MR1: variants seen among roughly 807,000 people sequenced by gnomAD.
MR1 encodes the protein major histocompatibility complex class I-related protein 1.
In MR1, 44 loss-of-function variants were observed where a neutral mutation model predicts 37.8. The ratio of observed to expected loss-of-function variants is 1.16; its 90% CI spans 0.91 to 1.50. The LOEUF (loss-of-function observed/expected upper bound fraction) is 1.50. Ranked by LOEUF, MR1 falls within the 40% of genes most tolerant of loss-of-function variation. The pLI, the probability that MR1 is intolerant of heterozygous loss-of-function variation, is 0.00. For synonymous variants in MR1, 153 were observed against 155.8 expected (o/e 0.98, Z 0.13); for missense variants, 386 against 419.1 (o/e 0.92, Z 0.69).
At chr1:181,052,591 G>C in intron 4 of MR1, 81 bp downstream of exon 4, 1 of 1,461,688 alleles carries the variant, frequency 6.8e-7, no homozygotes, top group Non-Finnish European at 9.3e-7. Flanking sequence ...TGCCAGGGAG[G>C]GGAGGATAGA....
chr1:181,053,381 C>CAA (rs35459172), intron 4 of MR1, among the ~76,000 whole-genome samples, 192 bp from the exon 5 acceptor site: 22 of 128,134 alleles, frequency 1.7e-4, no homozygotes, highest in African/African-American at 4.9e-4. Context: ...GACGCTGTCT[C>CAA]AAAAAAAAAA....
At chr1:181,046,174 G>C (rs912902007) in intron 1 of MR1, among the ~76,000 whole-genome samples, 1 of 152,170 alleles carries the variant, frequency 6.6e-6, no homozygotes, top group East Asian at 1.9e-4. Flanking sequence ...CCTGCTCCAC[G>C]GCGCCAGTCC....
rs1658638197 is a variant in MR1 at position 181,056,692 on chromosome 1, A to G, written c.*1427A>G. On this transcript the variant is annotated 3_prime_UTR_variant, in exon 6 of 6. Transcript: ENST00000367580. ...CTGACCCCGTTTGACTCTGCACCTG[A>G]GCCCTAATGCTTACTTCAGTGACCT... is the stretch of plus-strand genomic sequence containing the variant. The G allele has an allele frequency of 6.6e-6, 1 of 152,392 alleles. No individual in the cohort carries two copies. Among genetic ancestry groups the G allele is most frequent in the South Asian group, 2.1e-4 (1 of 4,834 alleles). 9.4% of individuals were successfully genotyped at this position (152,392 alleles called of 1,614,324 possible).
At chr1:181,039,590 G>C (rs1657449178) in intron 1 of MR1, among the ~76,000 whole-genome samples, 1 of 152,160 alleles carries the variant, frequency 6.6e-6, no homozygotes, top group Non-Finnish European at 1.5e-5. Flanking sequence ...ATGAGGCCGG[G>C]CGCGGTGGCT....
chr1:181,058,642 C>T lies in MR1; in HGVS notation c.*3377C>T, dbSNP rs1232626051. On this transcript the variant is annotated 3_prime_UTR_variant, in exon 6 of 6. Transcript: ENST00000367580. ...TGGCCTGAGAGAAGATGTTTTTGCA[C>T]TTGTAGCTATGAGGAACAGATTGTC... 2 of 152,186 alleles carry T rather than the reference C, an allele frequency of 1.3e-5. No individual in the cohort carries two copies. The highest frequency in any genetic ancestry group is 2.9e-5 in the Non-Finnish European group (2 of 68,030). The allele number at this position is 152,186 out of a possible 1,614,324, so 9.4% of individuals were successfully genotyped here.
intron 1 of MR1, among the ~76,000 whole-genome samples, chr1:181,039,551 T>C (rs1316777193): frequency 6.6e-6 from 1 of 152,156 alleles, no homozygotes; most frequent in East Asian, 1.9e-4. Context: ...TCCTTGTACA[T>C]AGTAGACACT....
Position 181,039,781 on chromosome 1 carries a change from G to A in MR1, c.67+5707G>A, listed in dbSNP as rs902134598. Among the ~76,000 whole-genome samples, 7 of 150,078 alleles carry A rather than the reference G, an allele frequency of 4.7e-5. No homozygotes were observed. In the East Asian group the frequency reaches 7.8e-4, roughly 17 times the overall value. The stretch of plus-strand genomic sequence containing the variant: ...CTCTGGAGGCTGAGGCAGGAGAATT[G>A]CTTGAACCCAGGAGGCAGAGGTTGC... On this transcript the variant is annotated intron_variant, in intron 1 of 5. Coordinates refer to ENST00000367580, the MANE Select transcript of MR1 (RefSeq NM_001385161.1).
At chr1:181,047,589 ACT>A (rs1657968446) in intron 1 of MR1, among the ~76,000 whole-genome samples, 2 of 150,216 alleles carry the variant, frequency 1.3e-5, no homozygotes, top group South Asian at 2.1e-4. Context: ...ACAGAGTGAG[ACT>A]CTGTCTCAAA....
chr1:181,044,923 C>T (rs965540706), intron 1 of MR1, among the ~76,000 whole-genome samples: 2 of 152,154 alleles, frequency 1.3e-5, no homozygotes, highest in Non-Finnish European at 2.9e-5. Context: ...GGCTGAGGGC[C>T]GGGGACTGGA....
chr1:181,048,490 G>A (rs1438101073), intron 1 of MR1, among the ~76,000 whole-genome samples: 2 of 151,432 alleles, frequency 1.3e-5, no homozygotes, highest in African/African-American at 4.9e-5. Flanking sequence ...AACAGAGATC[G>A]TGCCATTGCA....
chr1:181,051,678 T>C (rs1658330100), intron 3 of MR1, among the ~76,000 whole-genome samples: 1 of 152,190 alleles, frequency 6.6e-6, no homozygotes, highest in African/African-American at 2.4e-5. Flanking sequence ...AGCCCTTCTA[T>C]GATATCAGTT....
In MR1 at chr1:181,058,811, G is replaced by A. The variant is rs1431976555; in HGVS notation, c.*3546G>A. On this transcript the variant is annotated 3_prime_UTR_variant, in exon 6 of 6. Transcript: ENST00000367580. The stretch of plus-strand genomic sequence containing the variant: ...AGTGATCAGATGGATATATAAAGTG[G>A]AGTGCCAATGTATTAATTTACTGTG... The A allele has an allele frequency of 2.0e-5, 3 of 152,218 alleles. No individual in the cohort carries two copies. The highest frequency in any genetic ancestry group is 2.0e-4 in the Admixed American group (3 of 15,284). The allele number at this position is 152,218 out of a possible 1,614,324, so 9.4% of individuals were successfully genotyped here. A position where few individuals can be genotyped will look rare whatever the true frequency, so the allele number is the denominator to read the frequency against.
chr1:181,049,156 T>A lies in MR1; in HGVS notation c.172T>A (p.Tyr58Asn), dbSNP rs766599345. 5 of 1,614,050 alleles carry A rather than the reference T, an allele frequency of 3.1e-6. No individual in the cohort carries two copies. The African/African-American group carries it at 6.7e-5, about 22-fold the overall frequency. ...GYVDSHPITT[Y>N]DSVTRQKEPR... ...CGTGGACTCGCACCCTATCACCACATATGACAGTGTCACTCGGCAGAAGGA... is the reference window on the plus strand; with the variant it reads ...CGTGGACTCGCACCCTATCACCACAAATGACAGTGTCACTCGGCAGAAGGA... Residue 58 changes from tyrosine (Y) to asparagine (N), a missense_variant, in exon 2 of 6, where the codon TAT becomes AAT. Tyr to Asn is a moderately radical substitution (Grantham distance 143). Transcript: ENST00000367580.
intron 1 of MR1, among the ~76,000 whole-genome samples, chr1:181,046,028 T>C (rs140202322): frequency 0.011 from 1,644 of 152,304 alleles, 19 homozygotes; most frequent in African/African-American, 0.038. Flanking sequence ...CCACCAGCGC[T>C]GCAGCTCGAT....
At chr1:181,035,751 A>G (rs975694529) in intron 1 of MR1, among the ~76,000 whole-genome samples, 2 of 152,156 alleles carry the variant, frequency 1.3e-5, no homozygotes, top group Non-Finnish European at 2.9e-5. Flanking sequence ...ACGCTCACAT[A>G]AGGAGCAACC....
At chr1:181,045,478 C>G (rs546280673) in intron 1 of MR1, among the ~76,000 whole-genome samples, 4 of 152,042 alleles carry the variant, frequency 2.6e-5, no homozygotes, top group African/African-American at 9.7e-5. Flanking sequence ...CCCGCCTTCT[C>G]GAACCTCCTG....
rs934907558 is a variant in MR1, at chr1:181,059,418, T to A, written c.*4153T>A. The stretch of plus-strand genomic sequence containing the variant: ...CCCAAAACCTATTGGTTTAAAACAA[T>A]ACCCATTTTATTTTCTTTCATAGTT... On this transcript the variant is annotated 3_prime_UTR_variant, in exon 6 of 6. Transcript: ENST00000367580. The A allele has an allele frequency of 6.6e-6, 1 of 152,204 alleles. No homozygotes were observed. Among genetic ancestry groups the A allele is most frequent in the Non-Finnish European group, 1.5e-5 (1 of 68,040 alleles). The allele number at this position is 152,204 out of a possible 1,614,324, so 9.4% of individuals were successfully genotyped here. A position where few individuals can be genotyped will look rare whatever the true frequency, so the allele number is the denominator to read the frequency against.
intron 1 of MR1, among the ~76,000 whole-genome samples, chr1:181,046,634 G>A (rs936285988): frequency 1.3e-5 from 2 of 152,100 alleles, no homozygotes; most frequent in Admixed American, 6.5e-5. Flanking sequence ...GAGAATAAAA[G>A]CAGGCTGCCC....
rs1319047652 is a variant in MR1, at chr1:181,060,417, A to G, written c.*5152A>G. ...TCAACTCCTAACACATCTCTACCCA[A>G]CCTCTGTAGGTTCCCTCAATCCACC... On this transcript the variant is annotated 3_prime_UTR_variant, in exon 6 of 6. Transcript: ENST00000367580. 6.6e-6 allele frequency: 1 copy of G among 151,992 alleles called. No homozygotes were observed. The highest frequency in any genetic ancestry group is 2.4e-5 in the African/African-American group (1 of 41,380). 9.4% of individuals were successfully genotyped at this position (151,992 alleles called of 1,614,324 possible). A position where few individuals can be genotyped will look rare whatever the true frequency, so the allele number is the denominator to read the frequency against.
Sources: gnomAD v4.1 joint callset for allele counts (sites outside exome capture counted in the v4.1 genomes callset) on GRCh38, gnomAD v4.1.1 for gene constraint, MANE v1.5 for transcripts, NCBI Gene and HGNC (gene_info 2026-07-23, HGNC 2026-07-21) for gene names.